ADAMTS17: variants seen among roughly 807,000 people sequenced by gnomAD.
ADAMTS17 encodes ADAM metallopeptidase with thrombospondin type 1 motif 17.
A neutral mutation model predicts 141.5 loss-of-function variants in ADAMTS17; 113 were observed. That is an observed-to-expected ratio of 0.80 (90% CI 0.69 to 0.93). ADAMTS17 has a LOEUF of 0.93. ADAMTS17 is among the 40% of genes least tolerant of loss of function. ADAMTS17 has a pLI of 0.00. For synonymous variants in ADAMTS17, 768 were observed against 630.6 expected, an observed-to-expected ratio of 1.22 and a Z score of -3.27; for missense variants, 1,659 against 1,517.9, an observed-to-expected ratio of 1.09 and a Z score of -1.54.
chr15:100,261,812 G>A (rs1017941792), intron 5 of ADAMTS17, among the ~76,000 whole-genome samples, 176 bp from the exon 6 acceptor site: 2 of 152,156 alleles, frequency 1.3e-5, no homozygotes, highest in Non-Finnish European at 2.9e-5. Context: ...GATCCAGAGA[G>A]ACCATCAGGG....
At chr15:100,182,685 C>G (rs898733768) in intron 8 of ADAMTS17, among the ~76,000 whole-genome samples, 3 of 152,124 alleles carry the variant, frequency 2.0e-5, no homozygotes, top group Admixed American at 6.5e-5. Flanking sequence ...GTGTAGATAG[C>G]TGTTAAATTT....
At chr15:100,245,057 G>C (rs1340001659) in intron 7 of ADAMTS17, among the ~76,000 whole-genome samples, 1 of 152,194 alleles carries the variant, frequency 6.6e-6, no homozygotes, top group Non-Finnish European at 1.5e-5. Flanking sequence ...TGCATTCCAA[G>C]CTTGCCATGA....
intron 20 of ADAMTS17, 68 bp from the exon 21 acceptor site, chr15:99,976,290 T>G (rs780814062): frequency 6.6e-7 from 1 of 1,520,244 alleles, no homozygotes; most frequent in African/African-American, 1.4e-5. Flanking sequence ...GGCCTCACAA[T>G]GTGGCACTGC....
At chr15:99,984,267 T>C (rs1404885509) in intron 20 of ADAMTS17, among the ~76,000 whole-genome samples, 1 of 152,154 alleles carries the variant, frequency 6.6e-6, no homozygotes, top group Non-Finnish European at 1.5e-5. Context: ...CAGAGGAGAC[T>C]GCGGGCAGCT....
chr15:100,275,354 C>T (rs12908504), intron 4 of ADAMTS17, among the ~76,000 whole-genome samples: 43,494 of 152,102 alleles, frequency 0.29, 6,334 homozygotes, highest in East Asian at 0.34. Context: ...ACAGAGGAGC[C>T]CAATGCTGCC....
At chr15:100,045,086 T>C (rs4299133) in intron 18 of ADAMTS17, among the ~76,000 whole-genome samples, 11,456 of 152,066 alleles carry the variant, frequency 0.075, 1,413 homozygotes, top group African/African-American at 0.25. Flanking sequence ...GGATTACAGG[T>C]ATGAGCCACC....
chr15:100,206,229 T>C (rs1393535506), intron 7 of ADAMTS17, among the ~76,000 whole-genome samples: 2 of 152,214 alleles, frequency 1.3e-5, no homozygotes, highest in Non-Finnish European at 2.9e-5. Context: ...TCTTCTAGCA[T>C]TTGGCATTCA....
At chr15:100,230,827 T>C (rs1015499336) in intron 7 of ADAMTS17, among the ~76,000 whole-genome samples, 1 of 60,142 alleles carries the variant, frequency 1.7e-5, no homozygotes, top group Non-Finnish European at 4.6e-5. Context: ...ATGTCCACTG[T>C]TGATACCAAA....
At chr15:100,274,553 C>T (rs549975446) in intron 4 of ADAMTS17, among the ~76,000 whole-genome samples, 12 of 152,298 alleles carry the variant, frequency 7.9e-5, no homozygotes, top group African/African-American at 2.6e-4. Flanking sequence ...ACCTCTGTGT[C>T]TGATCTACAG....
intron 6 of ADAMTS17, among the ~76,000 whole-genome samples, chr15:100,258,014 T>C (rs1438690353): frequency 1.3e-5 from 2 of 152,244 alleles, no homozygotes; most frequent in African/African-American, 4.8e-5. Flanking sequence ...GTATTTGTCC[T>C]TGAGGTTCAT....
rs534579896 is a variant in ADAMTS17, at chr15:99,974,623, G to A, written c.3128-61C>T. ...GATGGCCTAGGCATGTCCTGATGCAGGCACAGGGAGGGCTTGTGGTCTGAC... is the reference window on the plus strand; with the variant it reads ...GATGGCCTAGGCATGTCCTGATGCAAGCACAGGGAGGGCTTGTGGTCTGAC... On this transcript the variant is annotated intron_variant, in intron 21 of 21. Coordinates refer to ENST00000268070, the MANE Select transcript of ADAMTS17 (RefSeq NM_139057.4). 2.5e-4 allele frequency: 397 copies of A among 1,604,276 alleles called. No homozygotes were observed. In the African/African-American group the frequency reaches 4.9e-3, roughly 20 times the overall value.
At chr15:100,110,919 T>C (rs1399284931) in intron 13 of ADAMTS17, among the ~76,000 whole-genome samples, 1 of 152,138 alleles carries the variant, frequency 6.6e-6, no homozygotes, top group East Asian at 1.9e-4. Flanking sequence ...CACCCCTGTG[T>C]TCAGTCACCT....
chr15:99,975,065 T>C (rs1186726778), intron 21 of ADAMTS17, among the ~76,000 whole-genome samples: 1 of 152,162 alleles, frequency 6.6e-6, no homozygotes, highest in African/African-American at 2.4e-5. Flanking sequence ...AAGACACAAC[T>C]ATACTTCTGC....
At position 100,168,963 on chromosome 15, in the gene ADAMTS17, G is replaced by A. The variant is rs569695959; in HGVS notation, c.1182-13643C>T. Among the ~76,000 whole-genome samples, 28 of 152,358 alleles carry A rather than the reference G, an allele frequency of 1.8e-4. No homozygotes were observed. In the South Asian group the frequency reaches 2.3e-3, roughly 12 times the overall value. On this transcript the variant is annotated intron_variant, in intron 8 of 21. Transcript: ENST00000268070. Reference sequence around the variant, plus strand: ...GCCTTAGCACATTCCCCGGAGGGGCGACTATAATGGCAGATGTGTTGGGCA... The same window carrying A: ...GCCTTAGCACATTCCCCGGAGGGGCAACTATAATGGCAGATGTGTTGGGCA...
intron 8 of ADAMTS17, among the ~76,000 whole-genome samples, chr15:100,158,725 G>C (rs931779708): frequency 1.3e-5 from 2 of 152,188 alleles, no homozygotes; most frequent in Admixed American, 6.5e-5. Flanking sequence ...TTAGCATAAA[G>C]TAACGGATTA....
At chr15:100,320,912 C>T (rs2045714690) in intron 3 of ADAMTS17, among the ~76,000 whole-genome samples, 1 of 152,116 alleles carries the variant, frequency 6.6e-6, no homozygotes, top group Admixed American at 6.5e-5. Flanking sequence ...TTTGCAAACC[C>T]TCATTTAAAA....
chr15:100,155,070 T>A, intron 9 of ADAMTS17, 110 bp downstream of exon 9: 1 of 1,548,778 alleles, frequency 6.5e-7, no homozygotes, highest in Non-Finnish European at 8.9e-7. Flanking sequence ...TAGATGCAAA[T>A]CCCAAAAGAG....
intron 8 of ADAMTS17, among the ~76,000 whole-genome samples, chr15:100,163,350 T>C (rs2039816331): frequency 6.6e-6 from 1 of 152,172 alleles, no homozygotes; most frequent in African/African-American, 2.4e-5. Context: ...GATAAAGCCA[T>C]GTATCCACCC....
At chr15:100,030,555 C>G (rs137929651) in intron 18 of ADAMTS17, among the ~76,000 whole-genome samples, 4 of 152,124 alleles carry the variant, frequency 2.6e-5, no homozygotes, top group Admixed American at 2.6e-4. Flanking sequence ...ATCCAATCTT[C>G]GGGTTTGAAT....
Sources: gnomAD v4.1 joint callset for allele counts (sites outside exome capture counted in the v4.1 genomes callset) on GRCh38, gnomAD v4.1.1 for gene constraint, MANE v1.5 for transcripts, NCBI Gene and HGNC (gene_info 2026-07-23, HGNC 2026-07-21) for gene names.